Variants in UBE2F observed in about 807,000 individuals in gnomAD.
The protein encoded by UBE2F is ubiquitin conjugating enzyme E2 F (putative), also known as NEDD8-conjugating enzyme UBE2F.
In UBE2F, 5 loss-of-function variants were observed where a neutral mutation model predicts 29.6. The observed-to-expected ratio is 0.17, with a 90% CI of 0.09 to 0.36. UBE2F has a LOEUF of 0.36. UBE2F is among the 10% of genes least tolerant of loss of function. The probability of loss-of-function intolerance (pLI) is 1.00; values close to 1 mark genes in which losing one functional copy is unlikely to be tolerated. For missense variants in UBE2F, 141 were observed against 228.5 expected (o/e 0.62, Z 2.47); for synonymous variants, 66 against 81.8 (o/e 0.81, Z 1.04).
chr2:238,011,888 C>CT (rs1188358515), intron 4 of UBE2F, among the ~76,000 whole-genome samples: 4 of 151,588 alleles, frequency 2.6e-5, no homozygotes, highest in African/African-American at 9.7e-5. Context: ...AAAGTATTTT[C>CT]TTTTTTTTGA....
intron 2 of UBE2F, among the ~76,000 whole-genome samples, chr2:237,977,557 A>G (rs1400302307): frequency 2.0e-5 from 3 of 152,148 alleles, no homozygotes; most frequent in African/African-American, 7.2e-5. Flanking sequence ...GTCCGCCCCT[A>G]GAGTGCTCCT....
chr2:237,994,491 G>A (rs1429655448), intron 3 of UBE2F, among the ~76,000 whole-genome samples: 1 of 152,106 alleles, frequency 6.6e-6, no homozygotes, highest in Non-Finnish European at 1.5e-5. Flanking sequence ...AAAGGTTGAA[G>A]GAAAACATCT....
In UBE2F at chr2:238,042,198, T is replaced by C. The variant is rs1289031804; in HGVS notation, c.*860T>C. ...AAACAAAAAGGCAGGGAGCCCATTC[T>C]AACATGCTGCCCAGAGGAAACTGGC... On this transcript the variant is annotated 3_prime_UTR_variant, in exon 10 of 10. Coordinates refer to ENST00000272930, the MANE Select transcript of UBE2F (RefSeq NM_080678.3). 1 of 152,278 alleles carries C rather than the reference T, an allele frequency of 6.6e-6. No homozygotes were observed. Among genetic ancestry groups the C allele is most frequent in the African/African-American group, 2.4e-5 (1 of 41,476 alleles). 9.4% of individuals were successfully genotyped at this position (152,278 alleles called of 1,614,324 possible). A position where few individuals can be genotyped will look rare whatever the true frequency, so the allele number is the denominator to read the frequency against.
intron 4 of UBE2F, among the ~76,000 whole-genome samples, chr2:237,996,065 C>T (rs555877998): frequency 2.0e-5 from 3 of 152,304 alleles, no homozygotes; most frequent in Non-Finnish European, 4.4e-5. Flanking sequence ...AAAACTCTAA[C>T]GATCCTTTGG....
intron 2 of UBE2F, among the ~76,000 whole-genome samples, chr2:237,973,915 G>A (rs550760037): frequency 1.6e-4 from 25 of 152,228 alleles, no homozygotes; most frequent in African/African-American, 6.0e-4. Flanking sequence ...GGGGTCATAA[G>A]ACCTATAAAA....
At chr2:237,970,136 A>G (rs2063144744) in intron 1 of UBE2F, among the ~76,000 whole-genome samples, 1 of 152,158 alleles carries the variant, frequency 6.6e-6, no homozygotes, top group Non-Finnish European at 1.5e-5. Flanking sequence ...AGGCTGAGGC[A>G]GGTGGATTGC....
chr2:238,017,289 A>G (rs1185531760), intron 5 of UBE2F, among the ~76,000 whole-genome samples: 2 of 152,358 alleles, frequency 1.3e-5, no homozygotes, highest in Non-Finnish European at 2.9e-5. Context: ...GGTCAGGGCT[A>G]GTTAAGCTTT....
intron 1 of UBE2F, chr2:237,968,922 C>T: frequency 1.2e-6 from 1 of 806,560 alleles, no homozygotes; most frequent in Non-Finnish European, 1.5e-6. Context: ...ATTCAGCTAG[C>T]CTCTTGACAG....
intron 4 of UBE2F, among the ~76,000 whole-genome samples, chr2:238,015,526 G>A (rs1304534224): frequency 6.6e-6 from 1 of 151,890 alleles, no homozygotes; most frequent in East Asian, 1.9e-4. Flanking sequence ...TAGGGTCCAG[G>A]TAATGCCAGT....
At chr2:238,019,500 G>A (rs140547310) in intron 5 of UBE2F, among the ~76,000 whole-genome samples, 14 of 152,052 alleles carry the variant, frequency 9.2e-5, no homozygotes, top group African/African-American at 3.1e-4. Context: ...CTGAGGAGCT[G>A]GGATTACACG....
At chr2:237,981,865 G>A (rs1002346504) in intron 2 of UBE2F, among the ~76,000 whole-genome samples, 1 of 151,924 alleles carries the variant, frequency 6.6e-6, no homozygotes, top group South Asian at 2.1e-4. Context: ...GAGCTCATGC[G>A]ATCTGCCCTT....
intron 1 of UBE2F, among the ~76,000 whole-genome samples, chr2:237,970,031 G>C (rs183847971): frequency 6.6e-6 from 1 of 152,228 alleles, no homozygotes; most frequent in East Asian, 1.9e-4. Context: ...TATTTAAATT[G>C]TGTAATTGAT....
chr2:237,971,128 G>A (rs1400861616), intron 1 of UBE2F, among the ~76,000 whole-genome samples: 2 of 152,182 alleles, frequency 1.3e-5, no homozygotes, highest in Non-Finnish European at 2.9e-5. Flanking sequence ...GGTTTCAAAT[G>A]CCAATGAGGA....
intron 6 of UBE2F, among the ~76,000 whole-genome samples, chr2:238,028,492 G>C (rs1029143872): frequency 6.6e-6 from 1 of 152,186 alleles, no homozygotes; most frequent in Non-Finnish European, 1.5e-5. Context: ...ACAAAATATA[G>C]CCACTAGGAT....
intron 2 of UBE2F, among the ~76,000 whole-genome samples, chr2:237,980,583 A>G (rs1212197664): frequency 1.3e-5 from 2 of 152,152 alleles, no homozygotes; most frequent in Non-Finnish European, 2.9e-5. Flanking sequence ...GAGCTTCAAC[A>G]TATGAATTTG....
chr2:237,979,211 G>C (rs1034116528), intron 2 of UBE2F, among the ~76,000 whole-genome samples: 1 of 152,212 alleles, frequency 6.6e-6, no homozygotes, highest in Non-Finnish European at 1.5e-5. Context: ...ATCAGCCCCT[G>C]AGTCCCAGGT....
At chr2:238,032,185 G>A in intron 7 of UBE2F, 37 bp from the exon 8 acceptor site, 1 of 1,590,992 alleles carries the variant, frequency 6.3e-7, no homozygotes, top group African/African-American at 1.3e-5. Context: ...GTGCACTTTG[G>A]CTTAAAACTT....
chr2:237,968,872 C>G, intron 1 of UBE2F: 2 of 983,602 alleles, frequency 2.0e-6, no homozygotes, highest in Non-Finnish European at 2.4e-6. Flanking sequence ...AGAGTTGAAG[C>G]ATATTGAAGA....
chr2:237,986,561 G>A (rs1228272156), intron 2 of UBE2F, among the ~76,000 whole-genome samples: 1 of 152,010 alleles, frequency 6.6e-6, no homozygotes, highest in Non-Finnish European at 1.5e-5. Context: ...TGAGCTTTTG[G>A]TGTGATATCA....
Sources: allele counts gnomAD v4.1 joint callset (sites outside exome capture counted in the v4.1 genomes callset), GRCh38; gene constraint gnomAD v4.1.1; transcripts MANE v1.5; gene names NCBI Gene and HGNC (gene_info 2026-07-23, HGNC 2026-07-21).